MDGA2: variants seen among roughly 807,000 people sequenced by gnomAD.
MDGA2 encodes the protein MAM domain containing glycosylphosphatidylinositol anchor 2.
A neutral mutation model predicts 117.8 loss-of-function variants in MDGA2; 40 were observed. The observed-to-expected ratio is 0.34, with a 90% confidence interval of 0.26 to 0.44. The LOEUF (loss-of-function observed/expected upper bound fraction) is 0.44, where lower values mean the gene tolerates loss of function less well. Ranked by LOEUF, MDGA2 falls within the 20% of genes least tolerant of loss-of-function variation. The pLI is 1.00. For synonymous variants in MDGA2, 452 were observed against 439.0 expected (o/e 1.03, Z -0.37); for missense variants, 1,123 against 1,250.6 (o/e 0.90, Z 1.54).
At chr14:46,899,551 T>C (rs1330034989) in intron 10 of MDGA2, among the ~76,000 whole-genome samples, 1 of 151,620 alleles carries the variant, frequency 6.6e-6, no homozygotes, top group Non-Finnish European at 1.5e-5. Flanking sequence ...GAATATGCAC[T>C]CACCAAGAAT....
chr14:47,034,086 A>C (rs576839462), intron 8 of MDGA2, among the ~76,000 whole-genome samples: 2 of 152,340 alleles, frequency 1.3e-5, no homozygotes, highest in South Asian at 4.1e-4. Flanking sequence ...ATATTTAACA[A>C]ATAGTATGTC....
chr14:47,639,786 C>G (rs1897389223), intron 1 of MDGA2, among the ~76,000 whole-genome samples: 1 of 152,160 alleles, frequency 6.6e-6, no homozygotes. Context: ...AATGTTAACA[C>G]TGTATAAGAC....
Position 47,537,704 on chromosome 14 carries a change from C to A in MDGA2, c.280+136813G>T, listed in dbSNP as rs1428533508. Among the ~76,000 whole-genome samples the A allele has an allele frequency of 2.0e-5, 3 of 148,662 alleles. 1 individual carries two copies. The South Asian group carries it at 6.6e-4, about 33-fold the overall frequency. On this transcript the variant is annotated intron_variant, in intron 1 of 16. Coordinates refer to ENST00000399232, the MANE Select transcript of MDGA2 (RefSeq NM_001113498.3). ...AGACAGATGGCTAATTTGACTAAAC[C>A]AACCTTTGTTTACACTGGAACTGAT...
chr14:47,345,305 T>C (rs1890741425), intron 1 of MDGA2, among the ~76,000 whole-genome samples: 1 of 152,070 alleles, frequency 6.6e-6, no homozygotes, highest in Admixed American at 6.6e-5. Flanking sequence ...GTCCCCTTTA[T>C]AATAAAATAT....
At chr14:47,664,273 A>G (rs1000108471) in intron 1 of MDGA2, among the ~76,000 whole-genome samples, 2 of 152,212 alleles carry the variant, frequency 1.3e-5, no homozygotes, top group Admixed American at 6.5e-5. Context: ...CACAACCAGA[A>G]TATTTTTTCC....
At chr14:46,866,526 C>T (rs1162655033) in intron 14 of MDGA2, among the ~76,000 whole-genome samples, 1 of 152,036 alleles carries the variant, frequency 6.6e-6, no homozygotes, top group Non-Finnish European at 1.5e-5. Context: ...GCAACCAAAG[C>T]CAAAATTGAC....
intron 1 of MDGA2, among the ~76,000 whole-genome samples, chr14:47,334,848 G>C (rs957992619): frequency 6.6e-6 from 1 of 151,870 alleles, no homozygotes; most frequent in African/African-American, 2.4e-5. Flanking sequence ...TGGAGGTCCA[G>C]ATCAGCTCTG....
chr14:47,450,480 C>A (rs78898774), intron 1 of MDGA2, among the ~76,000 whole-genome samples: 2 of 152,096 alleles, frequency 1.3e-5, no homozygotes, highest in East Asian at 3.9e-4. Flanking sequence ...ACAATGACAT[C>A]ATTAACATTA....
At chr14:47,402,914 G>C (rs141086442) in intron 1 of MDGA2, among the ~76,000 whole-genome samples, 1 of 152,078 alleles carries the variant, frequency 6.6e-6, no homozygotes, top group East Asian at 1.9e-4. Context: ...TCACCTATCT[G>C]TGAATTCTCC....
intron 3 of MDGA2, among the ~76,000 whole-genome samples, chr14:47,195,173 T>C (rs2139419991): frequency 6.6e-6 from 1 of 152,202 alleles, no homozygotes; most frequent in South Asian, 2.1e-4. Flanking sequence ...ATTATTTTCA[T>C]GTGCACTTTA....
chr14:47,633,428 T>C (rs1404224217), intron 1 of MDGA2, among the ~76,000 whole-genome samples: 1 of 152,222 alleles, frequency 6.6e-6, no homozygotes, highest in Non-Finnish European at 1.5e-5. Flanking sequence ...ATAGTATTTG[T>C]GCATGTGTAA....
chr14:47,573,335 A>G (rs1434493488), intron 1 of MDGA2, among the ~76,000 whole-genome samples: 2 of 150,936 alleles, frequency 1.3e-5, no homozygotes, highest in Non-Finnish European at 1.5e-5. Context: ...TAATATACAT[A>G]GACTATTACT....
At chr14:46,956,468 C>T (rs1369529357) in intron 9 of MDGA2, among the ~76,000 whole-genome samples, 1 of 152,048 alleles carries the variant, frequency 6.6e-6, no homozygotes, top group Non-Finnish European at 1.5e-5. Flanking sequence ...TCAGATACAA[C>T]TCTACTGCTT....
intron 1 of MDGA2, among the ~76,000 whole-genome samples, chr14:47,478,188 T>C (rs537391569): frequency 1.8e-4 from 27 of 152,328 alleles, no homozygotes; most frequent in Middle Eastern, 3.4e-3. Flanking sequence ...AGAAATTTAG[T>C]CTTCAATATG....
chr14:47,609,450 T>C (rs76162222), intron 1 of MDGA2, among the ~76,000 whole-genome samples: 6 of 100,320 alleles, frequency 6.0e-5, no homozygotes, highest in Non-Finnish European at 1.2e-4. Context: ...TATATATATA[T>C]ATATATATAT....
chr14:47,314,357 T>C (rs1456967860), intron 1 of MDGA2, among the ~76,000 whole-genome samples: 1 of 152,114 alleles, frequency 6.6e-6, no homozygotes, highest in South Asian at 2.1e-4. Flanking sequence ...AAGAGTTCTC[T>C]AAAAAGATGT....
At chr14:47,222,817 T>C (rs1471141488) in intron 2 of MDGA2, among the ~76,000 whole-genome samples, 1 of 152,196 alleles carries the variant, frequency 6.6e-6, no homozygotes, top group African/African-American at 2.4e-5. Flanking sequence ...TTATTCACAT[T>C]GTTATTGTTC....
intron 1 of MDGA2, among the ~76,000 whole-genome samples, chr14:47,561,163 G>GTTTTTTTTTTTTTTTTTTT (rs1309865250): frequency 1.2e-5 from 1 of 83,878 alleles, no homozygotes; most frequent in Non-Finnish European, 2.4e-5. Flanking sequence ...GTTTTGTTTT[G>GTTTTTTTTTTTTTTTTTTT]TTTTTTTGTT....
chr14:47,398,430 C>G (rs781717702), intron 1 of MDGA2, among the ~76,000 whole-genome samples: 108 of 152,124 alleles, frequency 7.1e-4, no homozygotes, highest in African/African-American at 2.0e-3. Flanking sequence ...TCTTCCATCT[C>G]ATTTTATACT....
Sources: gnomAD v4.1 joint callset for allele counts (sites outside exome capture counted in the v4.1 genomes callset) on GRCh38, gnomAD v4.1.1 for gene constraint, MANE v1.5 for transcripts, NCBI Gene and HGNC (gene_info 2026-07-23, HGNC 2026-07-21) for gene names.